Variants in TENM3 observed in about 807,000 individuals in gnomAD.
TENM3 encodes the protein teneurin-3.
In TENM3, 63 loss-of-function variants were observed where a neutral mutation model predicts 255.1. The ratio of observed to expected loss-of-function variants is 0.25; its 90% CI spans 0.20 to 0.30. The LOEUF is 0.30. Ranked by LOEUF, TENM3 falls within the 10% of genes least tolerant of loss-of-function variation. The pLI, the probability that TENM3 is intolerant of heterozygous loss-of-function variation, is 1.00. For missense variants in TENM3, 2,929 were observed against 3,461.1 expected (o/e 0.85, Z 3.86); for synonymous variants, 1,306 against 1,322.3 (o/e 0.99, Z 0.27).
the TENM3 span, among the ~76,000 whole-genome samples, chr4:181,992,679 G>A: frequency 4.6e-5 from 7 of 152,180 alleles, no homozygotes; most frequent in Non-Finnish European, 8.8e-5. Context: ...ATTTTGATCC[G>A]TGACAAATGG....
chr4:181,924,368 C>G, the TENM3 span, among the ~76,000 whole-genome samples: 36 of 152,234 alleles, frequency 2.4e-4, no homozygotes, highest in African/African-American at 7.9e-4. Flanking sequence ...TGTTTTGTGC[C>G]AGTTATCCAT....
At chr4:181,881,579 A>T in the TENM3 span, among the ~76,000 whole-genome samples, 2 of 152,122 alleles carry the variant, frequency 1.3e-5, no homozygotes, top group African/African-American at 2.4e-5. Flanking sequence ...GAGATCTTGA[A>T]ATTGATCTTT....
chr4:182,086,294 A>T, the TENM3 span, among the ~76,000 whole-genome samples: 1 of 152,146 alleles, frequency 6.6e-6, no homozygotes, highest in Non-Finnish European at 1.5e-5. Context: ...ACAAATTAAG[A>T]AGTCACCCTC....
At chr4:182,508,616 AT>A (rs1364038992) in intron 3 of TENM3, among the ~76,000 whole-genome samples, 1 of 152,220 alleles carries the variant, frequency 6.6e-6, no homozygotes, top group African/African-American at 2.4e-5. Context: ...ATAGATGCAT[AT>A]TAGTATATTC....
chr4:181,605,833 T>C, the TENM3 span, among the ~76,000 whole-genome samples: 1 of 152,202 alleles, frequency 6.6e-6, no homozygotes, highest in African/African-American at 2.4e-5. Context: ...AATCTTTTGA[T>C]AGTATTGGGC....
chr4:182,654,012 G>C (rs1753550353), intron 6 of TENM3, 119 bp downstream of exon 6: 1 of 933,474 alleles, frequency 1.1e-6, no homozygotes, highest in Admixed American at 3.7e-5. Flanking sequence ...CGAAATTACA[G>C]ATATCATCTT....
chr4:182,217,265 C>T (rs555329939), intron 1 of TENM3, among the ~76,000 whole-genome samples: 2 of 152,014 alleles, frequency 1.3e-5, no homozygotes, highest in East Asian at 3.9e-4. Flanking sequence ...AGGTGATCCA[C>T]CCACCTCGGC....
At position 182,785,602 on chromosome 4, in the gene TENM3, C is replaced by T. The variant is rs146592085; in HGVS notation, c.5305-3491C>T. Among the ~76,000 whole-genome samples, 1,026 of 148,944 alleles carry T rather than the reference C, an allele frequency of 6.9e-3. 3 individuals carry two copies. The highest frequency in any genetic ancestry group is 0.011 in the Non-Finnish European group (757 of 67,418). ...GCACGCCTCTCGTCTCAGCTACTCA[C>T]GGGGCTGAGGTGGGAGGATCACTTG... On this transcript the variant is annotated intron_variant, in intron 24 of 27. Transcript: ENST00000511685.
intron 1 of TENM3, among the ~76,000 whole-genome samples, chr4:182,175,714 A>G (rs1752441692): frequency 6.6e-6 from 1 of 152,194 alleles, no homozygotes; most frequent in Non-Finnish European, 1.5e-5. Context: ...GTTTGTCTTC[A>G]TGAGGGCAGT....
the TENM3 span, among the ~76,000 whole-genome samples, chr4:182,071,927 A>G: frequency 6.6e-6 from 1 of 152,256 alleles, no homozygotes; most frequent in African/African-American, 2.4e-5. Context: ...CTTTAAAGTG[A>G]TCTAAAAACC....
chr4:181,902,852 T>C, the TENM3 span, among the ~76,000 whole-genome samples: 1 of 152,186 alleles, frequency 6.6e-6, no homozygotes, highest in Non-Finnish European at 1.5e-5. Flanking sequence ...ATTCAAAGCA[T>C]GTGCTCTTGG....
intron 1 of TENM3, among the ~76,000 whole-genome samples, chr4:182,312,539 G>C (rs910864462): frequency 6.6e-6 from 1 of 152,118 alleles, no homozygotes; most frequent in Non-Finnish European, 1.5e-5. Context: ...TTTTTACCTA[G>C]TGTGTTTGAG....
chr4:181,851,803 C>G, the TENM3 span, among the ~76,000 whole-genome samples: 1 of 152,068 alleles, frequency 6.6e-6, no homozygotes. Flanking sequence ...TTTCATCATC[C>G]TCTGAATTCT....
chr4:182,237,375 C>CTTT (rs57257112), intron 1 of TENM3, among the ~76,000 whole-genome samples: 6 of 148,208 alleles, frequency 4.0e-5, no homozygotes, highest in Non-Finnish European at 7.4e-5. Context: ...ATTCTGTTTT[C>CTTT]TTTTTTTTGA....
chr4:182,119,536 C>T, the TENM3 span, among the ~76,000 whole-genome samples: 11 of 152,204 alleles, frequency 7.2e-5, no homozygotes, highest in Non-Finnish European at 2.9e-5. Flanking sequence ...TGTACCTGCC[C>T]ATTTATCTCT....
chr4:181,537,538 T>C, the TENM3 span, among the ~76,000 whole-genome samples: 1 of 152,294 alleles, frequency 6.6e-6, no homozygotes, highest in Non-Finnish European at 1.5e-5. Flanking sequence ...TTATAGTGTA[T>C]CTAGAGAAAA....
At chr4:181,742,670 A>T in the TENM3 span, among the ~76,000 whole-genome samples, 5 of 151,106 alleles carry the variant, frequency 3.3e-5, no homozygotes, top group African/African-American at 1.2e-4. Flanking sequence ...TGTTTTATTT[A>T]TTTTTATTTT....
intron 22 of TENM3, among the ~76,000 whole-genome samples, chr4:182,757,959 A>G (rs932994949): frequency 3.3e-5 from 5 of 152,200 alleles, no homozygotes; most frequent in African/African-American, 1.2e-4. Context: ...CTTACAAAAT[A>G]TCACCCTCAC....
chr4:181,851,451 T>TA, the TENM3 span, among the ~76,000 whole-genome samples: 1 of 152,152 alleles, frequency 6.6e-6, no homozygotes, highest in East Asian at 1.9e-4. Flanking sequence ...GTAAAACCAT[T>TA]AGACAGGGTT....
Sources: gnomAD v4.1 joint callset for allele counts (sites outside exome capture counted in the v4.1 genomes callset) on GRCh38, gnomAD v4.1.1 for gene constraint, MANE v1.5 for transcripts, NCBI Gene and HGNC (gene_info 2026-07-23, HGNC 2026-07-21) for gene names.